Variants in C8orf34 observed in about 807,000 individuals in gnomAD.
C8orf34 encodes the protein chromosome 8 open reading frame 34.
C8orf34 carries 65 observed loss-of-function variants against 68.3 expected under a neutral mutation model. The observed-to-expected ratio is 0.95, with a 90% CI of 0.78 to 1.17. C8orf34 has a LOEUF of 1.17. Ranked by LOEUF, C8orf34 falls within the 50% of genes most tolerant of loss-of-function variation. The pLI, the probability that C8orf34 is intolerant of heterozygous loss-of-function variation, is 0.00. For synonymous variants in C8orf34, 244 were observed against 241.2 expected (o/e 1.01, Z -0.11); for missense variants, 664 against 655.4 (o/e 1.01, Z -0.14).
intron 8 of C8orf34, among the ~76,000 whole-genome samples, chr8:68,641,281 G>A (rs1295908280): frequency 1.3e-5 from 2 of 152,192 alleles, no homozygotes; most frequent in African/African-American, 4.8e-5. Flanking sequence ...TGGATATAGG[G>A]AGGGAGGAAA....
chr8:68,395,359 TCTCACA>T (rs1808655083), intron 1 of C8orf34, among the ~76,000 whole-genome samples: 1 of 8,912 alleles, frequency 1.1e-4, no homozygotes, highest in Admixed American at 1.2e-3. Flanking sequence ...TCTGTGTGTC[TCTCACA>T]CACACACACA....
intron 8 of C8orf34, among the ~76,000 whole-genome samples, chr8:68,664,942 G>C (rs565482369): frequency 1.3e-5 from 2 of 152,288 alleles, no homozygotes; most frequent in Admixed American, 1.3e-4. Context: ...ATAGATTTTA[G>C]ATTATCCCAT....
At chr8:68,587,155 T>C (rs1817233935) in intron 7 of C8orf34, among the ~76,000 whole-genome samples, 1 of 152,106 alleles carries the variant, frequency 6.6e-6, no homozygotes, top group African/African-American at 2.4e-5. Context: ...TTGATGACCT[T>C]GGGACAATTA....
intron 12 of C8orf34, among the ~76,000 whole-genome samples, chr8:68,806,152 G>T (rs1055981462): frequency 3.9e-5 from 6 of 152,002 alleles, no homozygotes; most frequent in African/African-American, 1.2e-4. Flanking sequence ...TAGGAGTATT[G>T]GCATGTATTT....
intron 13 of C8orf34, among the ~76,000 whole-genome samples, 160 bp downstream of exon 13, chr8:68,816,105 A>AGTGTGTGTGTGTGTGT (rs71554629): frequency 1.4e-3 from 206 of 144,606 alleles, no homozygotes; most frequent in African/African-American, 5.2e-3. Flanking sequence ...ATTTCCTAAG[A>AGTGTGTGTGTGTGTGT]GTGTGTGTGT....
intron 8 of C8orf34, among the ~76,000 whole-genome samples, chr8:68,687,889 C>T (rs934895518): frequency 6.6e-6 from 1 of 151,896 alleles, no homozygotes; most frequent in Non-Finnish European, 1.5e-5. Flanking sequence ...TATCCAGAAT[C>T]TACAAGGGAC....
chr8:68,446,302 C>T (rs1321495831), intron 2 of C8orf34, 27 bp from the exon 3 acceptor site: 5 of 1,545,876 alleles, frequency 3.2e-6, no homozygotes, highest in Middle Eastern at 1.8e-4. Flanking sequence ...ACTTTGTTGC[C>T]ATTTTATATA....
intron 10 of C8orf34, among the ~76,000 whole-genome samples, chr8:68,751,021 A>G (rs1438097644): frequency 6.6e-6 from 1 of 152,120 alleles, no homozygotes; most frequent in Non-Finnish European, 1.5e-5. Context: ...TTGTTCCAAA[A>G]TTGTTTGAGC....
At chr8:68,386,025 A>C (rs917503616) in intron 1 of C8orf34, among the ~76,000 whole-genome samples, 2 of 152,116 alleles carry the variant, frequency 1.3e-5, no homozygotes, top group Admixed American at 1.3e-4. Context: ...TTACCTCCAG[A>C]GTAGCTGGGA....
At chr8:68,536,358 CAAAAA>C (rs10696903) in intron 7 of C8orf34, among the ~76,000 whole-genome samples, 3 of 49,226 alleles carry the variant, frequency 6.1e-5, no homozygotes, top group African/African-American at 2.5e-4. Flanking sequence ...GACCCTATCT[CAAAAA>C]AAAAAAAAAA....
At chr8:68,533,958 G>A (rs2129844395) in intron 7 of C8orf34, 1 of 843,684 alleles carries the variant, frequency 1.2e-6, no homozygotes, top group Non-Finnish European at 1.4e-6. Flanking sequence ...ATTTTATTTA[G>A]AAAGAGAATA....
At chr8:68,786,670 G>T (rs1823854831) in intron 11 of C8orf34, among the ~76,000 whole-genome samples, 1 of 152,192 alleles carries the variant, frequency 6.6e-6, no homozygotes, top group Non-Finnish European at 1.5e-5. Context: ...GGGATTGAGA[G>T]AATAGTATGA....
At chr8:68,341,949 G>A (rs998969178) in intron 1 of C8orf34, among the ~76,000 whole-genome samples, 10 of 152,168 alleles carry the variant, frequency 6.6e-5, no homozygotes, top group Non-Finnish European at 1.5e-4. Context: ...GAAGATGTTG[G>A]TCAAACAATA....
chr8:68,775,137 T>C (rs1823477802), intron 10 of C8orf34, among the ~76,000 whole-genome samples: 1 of 151,456 alleles, frequency 6.6e-6, no homozygotes, highest in Non-Finnish European at 1.5e-5. Context: ...CCTTGCTCCT[T>C]GACTTAGGGC....
At chr8:68,415,234 A>G (rs1809615487) in intron 1 of C8orf34, among the ~76,000 whole-genome samples, 1 of 152,138 alleles carries the variant, frequency 6.6e-6, no homozygotes, top group Non-Finnish European at 1.5e-5. Flanking sequence ...TAATCCCAGC[A>G]CTTTGGGAGG....
chr8:68,782,790 G>T (rs961535000), intron 11 of C8orf34, among the ~76,000 whole-genome samples: 1 of 152,108 alleles, frequency 6.6e-6, no homozygotes, highest in Non-Finnish European at 1.5e-5. Context: ...GGGCGTGGTG[G>T]CTCACGCCTG....
intron 7 of C8orf34, among the ~76,000 whole-genome samples, chr8:68,558,723 T>C (rs1274386812): frequency 6.6e-6 from 1 of 152,164 alleles, no homozygotes; most frequent in Admixed American, 6.5e-5. Flanking sequence ...TGTAGAAGGA[T>C]ATCAGTGCTA....
chr8:68,603,573 C>A lies in C8orf34; in HGVS notation c.1106-36803C>A, dbSNP rs531184091. On this transcript the variant is annotated intron_variant, in intron 7 of 13. Coordinates refer to ENST00000518698, the MANE Select transcript of C8orf34 (RefSeq NM_052958.4). ...TCTATCTATCTATCTATCTATCTAT[C>A]TTTGATCTGCTTACTGGTACATACA... 4.0e-3 allele frequency among the ~76,000 whole-genome samples: 585 copies of A among 148,024 alleles called. 3 individuals are homozygous for A. Among genetic ancestry groups the A allele is most frequent in the African/African-American group, 0.014 (557 of 38,714 alleles).
intron 1 of C8orf34, among the ~76,000 whole-genome samples, chr8:68,360,856 G>C (rs1250424651): frequency 6.7e-6 from 1 of 148,992 alleles, no homozygotes; most frequent in Non-Finnish European, 1.5e-5. Flanking sequence ...AGATTTGAGT[G>C]ATTCTCATGC....
Sources: gnomAD v4.1 joint callset for allele counts (sites outside exome capture counted in the v4.1 genomes callset) on GRCh38, gnomAD v4.1.1 for gene constraint, MANE v1.5 for transcripts, NCBI Gene and HGNC (gene_info 2026-07-23, HGNC 2026-07-21) for gene names.